The following NDST4 variants were observed in gnomAD, a reference collection of about 807,000 sequenced individuals.
The protein encoded by NDST4 is N-deacetylase and N-sulfotransferase 4, also known as N-heparan sulfate sulfotransferase 4.
In NDST4, 63 loss-of-function variants were observed where a neutral mutation model predicts 100.8. That is an observed-to-expected ratio of 0.62 (90% CI 0.51 to 0.77). NDST4 has a LOEUF of 0.77. Among genes scored for constraint, NDST4 ranks in the 30% least tolerant of loss-of-function variants. The pLI is 0.00. For synonymous variants in NDST4, 377 were observed against 361.8 expected, an observed-to-expected ratio of 1.04 and a Z score of -0.48; for missense variants, 943 against 1,018.4, an observed-to-expected ratio of 0.93 and a Z score of 1.01.
intron 6 of NDST4, among the ~76,000 whole-genome samples, chr4:114,921,572 A>G (rs1030934652): frequency 6.6e-6 from 1 of 152,230 alleles, no homozygotes; most frequent in African/African-American, 2.4e-5. Flanking sequence ...TTGTCCAAAA[A>G]ATAAAATCAC....
intron 2 of NDST4, among the ~76,000 whole-genome samples, chr4:115,049,998 G>T (rs1728550101): frequency 6.6e-6 from 1 of 152,078 alleles, no homozygotes; most frequent in African/African-American, 2.4e-5. Flanking sequence ...GTCAGAGGAA[G>T]AACCAAAACC....
At chr4:114,929,120 CTATCTATCTATCT>C (rs1560817165) in intron 6 of NDST4, among the ~76,000 whole-genome samples, 36 of 133,220 alleles carry the variant, frequency 2.7e-4, no homozygotes, top group Non-Finnish European at 4.7e-4. Flanking sequence ...ATCCATCTAT[CTATCTATCTATCT>C]ATCTATCTAT....
At chr4:114,870,689 A>C in intron 7 of NDST4, 79 bp downstream of exon 7, 1 of 1,211,380 alleles carries the variant, frequency 8.3e-7, no homozygotes, top group Non-Finnish European at 1.1e-6. Flanking sequence ...TATGTCCAGC[A>C]GAGTGCCTAA....
At chr4:114,867,665 C>CA in intron 7 of NDST4, among the ~76,000 whole-genome samples, 33,286 of 80,218 alleles carry the variant, frequency 0.41, 5,837 homozygotes, top group Non-Finnish European at 0.46. Context: ...AAAAAAAAAG[C>CA]AAAAAAAAAA....
At chr4:114,945,552 AT>A (rs1233081421) in intron 4 of NDST4, among the ~76,000 whole-genome samples, 4 of 152,224 alleles carry the variant, frequency 2.6e-5, no homozygotes, top group African/African-American at 9.6e-5. Context: ...TAGGTGTTTA[AT>A]AAATTAGTGT....
At chr4:114,961,825 T>C (rs1160087435) in intron 4 of NDST4, among the ~76,000 whole-genome samples, 3 of 152,038 alleles carry the variant, frequency 2.0e-5, no homozygotes, top group African/African-American at 4.8e-5. Context: ...AGAATATTTC[T>C]CAATTAATTA....
chr4:115,004,006 T>C (rs1727357535), intron 2 of NDST4, among the ~76,000 whole-genome samples: 1 of 152,196 alleles, frequency 6.6e-6, no homozygotes, highest in African/African-American at 2.4e-5. Flanking sequence ...TGTGTACCTC[T>C]AGGCCACTGG....
At chr4:114,909,643 C>T (rs186359414) in intron 6 of NDST4, among the ~76,000 whole-genome samples, 11 of 130,974 alleles carry the variant, frequency 8.4e-5, no homozygotes, top group South Asian at 2.4e-4. Flanking sequence ...GTCCGGCCTG[C>T]TGGGCGACAG....
chr4:114,998,873 C>T (rs1727221251), intron 2 of NDST4, among the ~76,000 whole-genome samples: 2 of 151,992 alleles, frequency 1.3e-5, no homozygotes, highest in African/African-American at 4.8e-5. Flanking sequence ...GAGGAGTTAC[C>T]TCATCCACCA....
At chr4:115,038,909 G>A (rs1260703237) in intron 2 of NDST4, among the ~76,000 whole-genome samples, 1 of 152,162 alleles carries the variant, frequency 6.6e-6, no homozygotes, top group East Asian at 1.9e-4. Flanking sequence ...GAGCCTGGGA[G>A]GTCAAGGCCA....
Position 115,075,511 on chromosome 4 carries a change from G to C in NDST4, c.978+548C>G, listed in dbSNP as rs551875762. Among the ~76,000 whole-genome samples, 56 of 152,284 alleles carry C rather than the reference G, an allele frequency of 3.7e-4. 1 individual carries two copies. In the South Asian group the frequency reaches 4.6e-3, roughly 12 times the overall value. On this transcript the variant is annotated intron_variant, in intron 2 of 13. Transcript: ENST00000264363. Reference sequence around the variant, plus strand: ...ACTTAAGAAGAGGCAAGGAGGCCGGGTGCAGTGGCTCACGCCTGTAATCCC... The same window carrying C: ...ACTTAAGAAGAGGCAAGGAGGCCGGCTGCAGTGGCTCACGCCTGTAATCCC...
At chr4:115,007,539 T>C (rs1727446638) in intron 2 of NDST4, among the ~76,000 whole-genome samples, 1 of 152,126 alleles carries the variant, frequency 6.6e-6, no homozygotes, top group South Asian at 2.1e-4. Context: ...TTGTTTTTTG[T>C]TGGTTTGTTT....
chr4:114,885,511 T>G (rs532281439), intron 6 of NDST4, among the ~76,000 whole-genome samples: 5 of 152,128 alleles, frequency 3.3e-5, no homozygotes, highest in Non-Finnish European at 7.4e-5. Flanking sequence ...TTATAATATA[T>G]TCATGACCCT....
At chr4:114,980,185 T>C (rs1478848756) in intron 2 of NDST4, among the ~76,000 whole-genome samples, 1 of 152,216 alleles carries the variant, frequency 6.6e-6, no homozygotes, top group Non-Finnish European at 1.5e-5. Context: ...TAACTTATTC[T>C]TTTAAAACCC....
chr4:115,077,003 G>A lies in NDST4; in HGVS notation c.34C>T (p.Arg12Ter), dbSNP rs749271707. Residue 12 changes from arginine to a stop codon, truncating the protein, a stop_gained, in exon 2 of 14, where the codon CGA becomes TGA. Coordinates refer to ENST00000264363, the MANE Select transcript of NDST4 (RefSeq NM_022569.3). LOFTEE classifies it high-confidence loss of function. ...GTAGCTAAGAGAACAATCAATGTTCGAAAACTTCTCCGAAGTTTCACAATA... is the reference window on the plus strand; with the variant it reads ...GTAGCTAAGAGAACAATCAATGTTCAAAAACTTCTCCGAAGTTTCACAATA... ...NLIVKLRRSF[R>*]TLIVLLATFC... The A allele has an allele frequency of 2.5e-6, 4 of 1,604,734 alleles. No homozygotes were observed. The South Asian group carries it at 3.4e-5, about 14-fold the overall frequency.
At chr4:114,870,419 TA>T (rs1257315821) in intron 7 of NDST4, among the ~76,000 whole-genome samples, 1 of 152,098 alleles carries the variant, frequency 6.6e-6, no homozygotes, top group Non-Finnish European at 1.5e-5. Context: ...TTTATTTCCC[TA>T]GATATCTACT....
intron 7 of NDST4, among the ~76,000 whole-genome samples, chr4:114,867,682 A>AG (rs58718208): frequency 3.5e-5 from 5 of 143,450 alleles, no homozygotes; most frequent in Admixed American, 7.0e-5. Flanking sequence ...AAAAAAAAAA[A>AG]GAAAGAAAAG....
chr4:114,920,467 T>C (rs1725264987), intron 6 of NDST4, among the ~76,000 whole-genome samples: 1 of 152,170 alleles, frequency 6.6e-6, no homozygotes, highest in Admixed American at 6.6e-5. Context: ...GTGGATATAA[T>C]AACAGCTTCA....
intron 7 of NDST4, among the ~76,000 whole-genome samples, chr4:114,866,573 T>C (rs952645163): frequency 6.6e-6 from 1 of 152,184 alleles, no homozygotes; most frequent in African/African-American, 2.4e-5. Context: ...TCTTTAATGA[T>C]ATTTTGAAGA....
Sources: gnomAD v4.1 joint callset for allele counts (sites outside exome capture counted in the v4.1 genomes callset) on GRCh38, gnomAD v4.1.1 for gene constraint, MANE v1.5 for transcripts, NCBI Gene and HGNC (gene_info 2026-07-23, HGNC 2026-07-21) for gene names.